The following SGMS1 variants were observed in gnomAD, a reference collection of about 807,000 sequenced individuals.
The protein encoded by SGMS1 is sphingomyelin synthase 1, also known as phosphatidylcholine:ceramide cholinephosphotransferase 1.
A neutral mutation model predicts 46.2 loss-of-function variants in SGMS1; 13 were observed. The ratio of observed to expected loss-of-function variants is 0.28; its 90% confidence interval spans 0.18 to 0.45. SGMS1 has a LOEUF of 0.45. Ranked by LOEUF, SGMS1 falls within the 20% of genes least tolerant of loss-of-function variation. The pLI is 1.00. For synonymous variants in SGMS1, 203 were observed against 187.8 expected (o/e 1.08, Z -0.66); for missense variants, 324 against 519.9 (o/e 0.62, Z 3.66).
At chr10:50,459,651 G>A (rs78097664) in intron 5 of SGMS1, among the ~76,000 whole-genome samples, 77 of 152,290 alleles carry the variant, frequency 5.1e-4, no homozygotes, top group African/African-American at 1.4e-3. Flanking sequence ...TGATCTGCCC[G>A]CCTTGGTCTC....
At chr10:50,606,532 G>A (rs550962186) in intron 1 of SGMS1, among the ~76,000 whole-genome samples, 23 of 152,154 alleles carry the variant, frequency 1.5e-4, no homozygotes, top group Admixed American at 2.0e-4. Flanking sequence ...TATAGATTTG[G>A]AATAGTAGAA....
At chr10:50,603,281 GTTCCATTGC>G (rs1838664979) in intron 1 of SGMS1, among the ~76,000 whole-genome samples, 1 of 152,178 alleles carries the variant, frequency 6.6e-6, no homozygotes, top group African/African-American at 2.4e-5. Flanking sequence ...ACATCCATTG[GTTCCATTGC>G]TGGTGAGAGG....
chr10:50,446,511 G>A (rs139330717), intron 5 of SGMS1, among the ~76,000 whole-genome samples: 46 of 152,302 alleles, frequency 3.0e-4, no homozygotes, highest in African/African-American at 1.1e-3. Context: ...ATTCATAACA[G>A]CCAAAAACTG....
intron 3 of SGMS1, among the ~76,000 whole-genome samples, chr10:50,494,207 G>A (rs1837590868): frequency 6.6e-6 from 1 of 152,212 alleles, no homozygotes; most frequent in Non-Finnish European, 1.5e-5. Flanking sequence ...AACCATTGTG[G>A]AAGAAAGTGT....
intron 8 of SGMS1, among the ~76,000 whole-genome samples, chr10:50,316,435 A>C (rs1267209736): frequency 1.3e-5 from 2 of 152,196 alleles, no homozygotes; most frequent in Non-Finnish European, 2.9e-5. Flanking sequence ...TGACTATTTA[A>C]ATGTGCTATT....
At chr10:50,402,649 A>T (rs1036438950) in intron 6 of SGMS1, among the ~76,000 whole-genome samples, 8 of 152,190 alleles carry the variant, frequency 5.3e-5, no homozygotes, top group African/African-American at 1.9e-4. Flanking sequence ...GAACTAGTCA[A>T]CTATTTTTCT....
chr10:50,533,314 C>A (rs1044373814), intron 2 of SGMS1, among the ~76,000 whole-genome samples: 1 of 152,068 alleles, frequency 6.6e-6, no homozygotes, highest in East Asian at 1.9e-4. Flanking sequence ...TGGCAAAGGT[C>A]AGGATTAAAG....
chr10:50,322,317 A>G (rs1320789829), intron 8 of SGMS1, among the ~76,000 whole-genome samples: 1 of 152,194 alleles, frequency 6.6e-6, no homozygotes, highest in Non-Finnish European at 1.5e-5. Context: ...TTTAGTCACT[A>G]TTAGATTAAC....
intron 6 of SGMS1, among the ~76,000 whole-genome samples, chr10:50,381,402 CT>C: frequency 6.6e-6 from 1 of 152,126 alleles, no homozygotes; most frequent in East Asian, 1.9e-4. Flanking sequence ...CCACCCATGA[CT>C]ACAGCATCTT....
intron 5 of SGMS1, among the ~76,000 whole-genome samples, chr10:50,455,998 T>C (rs1421768322): frequency 6.6e-6 from 1 of 152,124 alleles, no homozygotes; most frequent in Non-Finnish European, 1.5e-5. Context: ...GGCTAATCTA[T>C]GGGAAGTCCA....
chr10:50,361,860 C>T (rs1047963488), intron 6 of SGMS1, among the ~76,000 whole-genome samples: 2 of 152,152 alleles, frequency 1.3e-5, no homozygotes, highest in Non-Finnish European at 2.9e-5. Flanking sequence ...TTCCATGACA[C>T]GGCCTATTTA....
Position 50,413,883 on chromosome 10 carries a change from CTGGACAAAA to C in SGMS1, c.-232+19584_-232+19592del, listed in dbSNP as rs148283345. Among the ~76,000 whole-genome samples the C allele has an allele frequency of 3.7e-3, 560 of 152,356 alleles. 3 individuals are homozygous for C. The highest frequency in any genetic ancestry group is 0.013 in the African/African-American group (540 of 41,586). ...TCCTTAACAGAAAGCACTTATTAAA[CTGGACAAAA>C]TGTACAGACTTCAAAATGTGACCAT... On this transcript the variant is annotated intron_variant, in intron 6 of 10. Transcript: ENST00000361781.
intron 2 of SGMS1, among the ~76,000 whole-genome samples, chr10:50,548,686 A>T (rs1838122609): frequency 6.6e-6 from 1 of 152,236 alleles, no homozygotes; most frequent in Non-Finnish European, 1.5e-5. Context: ...AAGCCATTGC[A>T]ACAAAAGCAA....
chr10:50,387,338 C>T (rs147449264), intron 6 of SGMS1, among the ~76,000 whole-genome samples: 2 of 152,336 alleles, frequency 1.3e-5, no homozygotes, highest in Non-Finnish European at 2.9e-5. Context: ...TCCACAAACA[C>T]ATACACCCAC....
chr10:50,381,254 A>T (rs1444917208), intron 6 of SGMS1, among the ~76,000 whole-genome samples: 1 of 151,944 alleles, frequency 6.6e-6, no homozygotes, highest in African/African-American at 2.4e-5. Context: ...AGTGATCGTG[A>T]ACAGTGTTCT....
intron 6 of SGMS1, among the ~76,000 whole-genome samples, chr10:50,376,858 G>A (rs780069941): frequency 1.8e-4 from 27 of 152,132 alleles, no homozygotes; most frequent in Non-Finnish European, 3.5e-4. Context: ...TTGGTTCCAA[G>A]TCTTTGCTAT....
At chr10:50,359,942 ATTTCTGC>A (rs1220930662) in intron 6 of SGMS1, among the ~76,000 whole-genome samples, 1 of 152,172 alleles carries the variant, frequency 6.6e-6, no homozygotes, top group Non-Finnish European at 1.5e-5. Context: ...TATGAAATAA[ATTTCTGC>A]TTTACTTTTT....
At chr10:50,507,407 C>T (rs976927005) in intron 3 of SGMS1, among the ~76,000 whole-genome samples, 4 of 152,282 alleles carry the variant, frequency 2.6e-5, no homozygotes, top group Non-Finnish European at 5.9e-5. Context: ...CCAGGAACAC[C>T]AAGGTCCTGG....
intron 1 of SGMS1, among the ~76,000 whole-genome samples, chr10:50,602,822 G>C (rs1310627641): frequency 6.6e-6 from 1 of 152,036 alleles, no homozygotes; most frequent in Non-Finnish European, 1.5e-5. Context: ...TAAACATAAA[G>C]CCTCTACTCT....
Sources: allele counts gnomAD v4.1 joint callset (sites outside exome capture counted in the v4.1 genomes callset), GRCh38; gene constraint gnomAD v4.1.1; transcripts MANE v1.5; gene names NCBI Gene and HGNC (gene_info 2026-07-23, HGNC 2026-07-21).